The following LAMA3 variants were observed in gnomAD, a reference collection of about 807,000 sequenced individuals.
LAMA3 encodes the protein laminin subunit alpha 3.
LAMA3 carries 281 observed loss-of-function variants against 402.0 expected under a neutral mutation model. The ratio of observed to expected loss-of-function variants is 0.70; its 90% confidence interval spans 0.63 to 0.77. The LOEUF is 0.77. Ranked by LOEUF, LAMA3 falls within the 30% of genes least tolerant of loss-of-function variation. The pLI is 0.00. For missense variants in LAMA3, 3,840 were observed against 4,215.5 expected (o/e 0.91, Z 2.47); for synonymous variants, 1,431 against 1,558.4 (o/e 0.92, Z 1.93).
chr18:23,707,224 G>A (rs1273711428), intron 1 of LAMA3, among the ~76,000 whole-genome samples: 1 of 152,210 alleles, frequency 6.6e-6, no homozygotes, highest in Non-Finnish European at 1.5e-5. Flanking sequence ...GGACTGGATG[G>A]CCTAAGAAGG....
intron 70 of LAMA3, among the ~76,000 whole-genome samples, chr18:23,948,091 C>T (rs994321444): frequency 1.3e-5 from 2 of 152,116 alleles, no homozygotes; most frequent in South Asian, 2.1e-4. Flanking sequence ...GGATTACAGG[C>T]GTGAGCCACC....
rs1025568016 is a variant in LAMA3 at position 23,819,873 on chromosome 18, A to G, written c.2180A>G (p.His727Arg). Residue 727 changes from histidine to arginine, a missense_variant, in exon 19 of 75, where the codon CAT becomes CGT. Coordinates refer to ENST00000313654, the MANE Select transcript of LAMA3 (RefSeq NM_198129.4). Reference sequence around the variant, plus strand: ...AACAACTACTATTTCCCAGATTTGCATCATATGAAGTATGAGATTGAAGAC... The same window carrying G: ...AACAACTACTATTTCCCAGATTTGCGTCATATGAAGTATGAGATTGAAGAC... Reference protein sequence around the residue: ...PENNYYFPDLHHMKYEIEDGS... With the variant: ...PENNYYFPDLRHMKYEIEDGS... 1.2e-6 allele frequency: 2 copies of G among 1,614,026 alleles called. No homozygotes were observed. Among genetic ancestry groups the G allele is most frequent in the African/African-American group, 1.3e-5 (1 of 74,926 alleles).
At chr18:23,718,557 T>C (rs2061152534) in intron 2 of LAMA3, among the ~76,000 whole-genome samples, 1 of 151,936 alleles carries the variant, frequency 6.6e-6, no homozygotes, top group South Asian at 2.1e-4. Context: ...AAGGACTGAG[T>C]GTTGGCTTCA....
At chr18:23,762,832 C>T (rs1335550972) in intron 7 of LAMA3, among the ~76,000 whole-genome samples, 1 of 146,562 alleles carries the variant, frequency 6.8e-6, no homozygotes, top group Admixed American at 6.8e-5. Context: ...ATTCTCCTGC[C>T]TCAGCCTCCC....
rs749122081 is a variant in LAMA3 at position 23,689,874 on chromosome 18, C to G, written c.191C>G (p.Ala64Gly). ...LAEAARIWAT[A>G]TCGERGPGEG... ...GAGGCGGCGAGGATTTGGGCCACCGCCACCTGCGGGGAGAGGGGACCCGGC... is the reference window on the plus strand; with the variant it reads ...GAGGCGGCGAGGATTTGGGCCACCGGCACCTGCGGGGAGAGGGGACCCGGC... Residue 64 changes from alanine to glycine, a missense_variant, in exon 1 of 75, where the codon GCC (alanine) becomes GGC (glycine). Ala to Gly is a moderately conservative substitution (Grantham distance 60). Around this residue, in one of 3 missense-constraint regions of LAMA3, gnomAD observed 2,109 missense variants for 2,376.0 expected, o/e 0.89. Transcript: ENST00000313654. 5 of 1,545,640 alleles carry G rather than the reference C, an allele frequency of 3.2e-6. No homozygotes were observed. The South Asian group carries it at 6.0e-5, about 19-fold the overall frequency.
chr18:23,783,941 T>C (rs2062488008), intron 11 of LAMA3, 82 bp from the exon 12 acceptor site: 4 of 1,517,858 alleles, frequency 2.6e-6, no homozygotes, highest in Non-Finnish European at 3.7e-6. Flanking sequence ...TATATTCCCA[T>C]GATAGAAACC....
intron 66 of LAMA3, chr18:23,932,530 A>G (rs954981722): frequency 4.5e-6 from 2 of 441,678 alleles, no homozygotes; most frequent in Non-Finnish European, 8.4e-6. Context: ...GAAAAGACCT[A>G]ATTAAAATTA....
At chr18:23,878,264 A>G (rs115132140) in intron 39 of LAMA3, among the ~76,000 whole-genome samples, 193 of 152,354 alleles carry the variant, frequency 1.3e-3, no homozygotes, top group African/African-American at 4.4e-3. Context: ...CATAATTCAT[A>G]TTTTAATCAA....
intron 32 of LAMA3, among the ~76,000 whole-genome samples, chr18:23,848,805 G>A (rs1037062704): frequency 5.3e-5 from 8 of 152,246 alleles, no homozygotes; most frequent in Admixed American, 3.3e-4. Flanking sequence ...TCAAGATGTC[G>A]GCAGGGTTGG....
chr18:23,791,009 C>G (rs542203999), intron 12 of LAMA3, among the ~76,000 whole-genome samples: 1 of 152,142 alleles, frequency 6.6e-6, no homozygotes, highest in African/African-American at 2.4e-5. Flanking sequence ...CTGTCTCAGC[C>G]TCTCCAGTAG....
At chr18:23,927,228 G>T (rs1448600164) in intron 62 of LAMA3, among the ~76,000 whole-genome samples, 1 of 152,172 alleles carries the variant, frequency 6.6e-6, no homozygotes, top group Non-Finnish European at 1.5e-5. Context: ...GGAGTACAGT[G>T]GCACGATCTC....
chr18:23,839,698 T>C lies in LAMA3; in HGVS notation c.3192-87T>C, dbSNP rs182188184. On this transcript the variant is annotated intron_variant, in intron 26 of 74. Coordinates refer to ENST00000313654, the MANE Select transcript of LAMA3 (RefSeq NM_198129.4). This position sits in a 1 kb window ranked among gnomAD's most constrained non-coding sequence, Gnocchi z 4.5. ...TCCTTTTGATGCCCATGCAGTCCTATGCTCCAAGTCTGTCTCTTCACTGAT... is the reference window on the plus strand; with the variant it reads ...TCCTTTTGATGCCCATGCAGTCCTACGCTCCAAGTCTGTCTCTTCACTGAT... The C allele has an allele frequency of 2.9e-3, 4,191 of 1,427,784 alleles. 36 individuals are homozygous for C. The highest frequency in any genetic ancestry group is 0.018 in the South Asian group (1,550 of 86,640). The allele number at this position is 1,427,784 out of a possible 1,614,324, so 88.4% of individuals were successfully genotyped here. A position where few individuals can be genotyped will look rare whatever the true frequency, so the allele number is the denominator to read the frequency against.
intron 31 of LAMA3, among the ~76,000 whole-genome samples, chr18:23,847,140 T>G (rs2063834312): frequency 6.6e-6 from 1 of 152,160 alleles, no homozygotes; most frequent in Non-Finnish European, 1.5e-5. Flanking sequence ...GTGGAGCCAC[T>G]TCAGGGAGCC....
intron 2 of LAMA3, among the ~76,000 whole-genome samples, chr18:23,722,116 T>A (rs2061225425): frequency 6.6e-6 from 1 of 152,222 alleles, no homozygotes; most frequent in African/African-American, 2.4e-5. Flanking sequence ...AGACCTATGC[T>A]ATGTCAGTAG....
intron 1 of LAMA3, among the ~76,000 whole-genome samples, chr18:23,708,683 G>A (rs1464451169): frequency 6.6e-6 from 1 of 152,004 alleles, no homozygotes; most frequent in African/African-American, 2.4e-5. Flanking sequence ...CAGCTACCTT[G>A]CTAAAAATCT....
intron 7 of LAMA3, among the ~76,000 whole-genome samples, chr18:23,762,635 C>T (rs2061993224): frequency 6.6e-6 from 1 of 151,822 alleles, no homozygotes; most frequent in African/African-American, 2.4e-5. Flanking sequence ...GCTGCCCCGA[C>T]ACACTTCCAA....
chr18:23,767,032 C>T (rs2062089842), intron 8 of LAMA3, among the ~76,000 whole-genome samples: 1 of 152,038 alleles, frequency 6.6e-6, no homozygotes, highest in South Asian at 2.1e-4. Flanking sequence ...TTTCAGGATA[C>T]AAAGATCAGT....
rs947238228 is a variant in LAMA3 at position 23,693,081 on chromosome 18, C to T, written c.294+3104C>T. ...AAATATGGAGAGGCATGGTGGCTCA[C>T]GCCTGTAATCCCAGCACTTTGGGAG... On this transcript the variant is annotated intron_variant, in intron 1 of 74. Transcript: ENST00000313654. 4.6e-5 allele frequency among the ~76,000 whole-genome samples: 7 copies of T among 152,266 alleles called. No homozygotes were observed. The South Asian group carries it at 1.5e-3, about 32-fold the overall frequency.
intron 32 of LAMA3, among the ~76,000 whole-genome samples, chr18:23,851,434 G>A (rs1446842552): frequency 1.3e-5 from 2 of 152,084 alleles, no homozygotes; most frequent in Non-Finnish European, 2.9e-5. Context: ...TCACTCTCTG[G>A]GTGACCTCAG....
Sources: gnomAD v4.1 joint callset for allele counts (sites outside exome capture counted in the v4.1 genomes callset) on GRCh38, gnomAD v4.1.1 for gene constraint, gnomAD v4.1.1 regional missense constraint, Gnocchi (gnomAD v3.1) non-coding constraint, MANE v1.5 for transcripts, NCBI Gene and HGNC (gene_info 2026-07-23, HGNC 2026-07-21) for gene names.